The following NR2F1-AS1 variants were observed in gnomAD, a reference collection of about 807,000 sequenced individuals.
The protein encoded by NR2F1-AS1 is NR2F1 antisense RNA 1.
chr5:93,425,605 T>C (rs1749179599), intron 4 of NR2F1-AS1, among the ~76,000 whole-genome samples: 1 of 152,166 alleles, frequency 6.6e-6, no homozygotes, highest in Non-Finnish European at 1.5e-5. Context: ...TTCACACACA[T>C]GCTCATGCTG....
At chr5:93,443,287 G>A (rs539072838) in intron 4 of NR2F1-AS1, among the ~76,000 whole-genome samples, 1 of 152,228 alleles carries the variant, frequency 6.6e-6, no homozygotes, top group East Asian at 1.9e-4. Flanking sequence ...TCACAAAGAA[G>A]CTAAAAACCT....
At chr5:93,529,022 T>C (rs1561484997) in intron 4 of NR2F1-AS1, among the ~76,000 whole-genome samples, 1 of 152,112 alleles carries the variant, frequency 6.6e-6, no homozygotes, top group Non-Finnish European at 1.5e-5. Flanking sequence ...GTTCTGCACA[T>C]ATATCCCAGA....
intron 4 of NR2F1-AS1, among the ~76,000 whole-genome samples, chr5:93,536,169 A>G (rs1751835579): frequency 6.6e-6 from 1 of 152,320 alleles, no homozygotes; most frequent in Non-Finnish European, 1.5e-5. Context: ...TGAAAAAAAC[A>G]TAGAAAACAA....
intron 2 of NR2F1-AS1, among the ~76,000 whole-genome samples, chr5:93,555,871 G>GAGT (rs1409947232): frequency 6.6e-6 from 1 of 152,170 alleles, no homozygotes; most frequent in Non-Finnish European, 1.5e-5. Flanking sequence ...TATTAATAAT[G>GAGT]AGTAGTAGCA....
chr5:93,511,471 T>A (rs1004350623), intron 4 of NR2F1-AS1, among the ~76,000 whole-genome samples: 1 of 152,188 alleles, frequency 6.6e-6, no homozygotes, highest in Non-Finnish European at 1.5e-5. Flanking sequence ...TCAGAATAAA[T>A]GTTCCTTACA....
intron 4 of NR2F1-AS1, among the ~76,000 whole-genome samples, chr5:93,539,594 G>A (rs1017380809): frequency 2.6e-5 from 4 of 152,140 alleles, no homozygotes; most frequent in South Asian, 4.1e-4. Context: ...CCAGAGACTG[G>A]AGAGGGATCA....
intron 4 of NR2F1-AS1, among the ~76,000 whole-genome samples, chr5:93,535,900 G>C (rs1249238898): frequency 6.6e-6 from 1 of 152,076 alleles, no homozygotes; most frequent in East Asian, 1.9e-4. Flanking sequence ...AGAAGACAAG[G>C]ATGCCTACTT....
At chr5:93,470,380 T>C (rs999106576) in intron 4 of NR2F1-AS1, among the ~76,000 whole-genome samples, 1 of 151,882 alleles carries the variant, frequency 6.6e-6, no homozygotes, top group Admixed American at 6.6e-5. Flanking sequence ...TAAAAATAAC[T>C]AAACAAAATC....
At chr5:93,571,437 C>T (rs1485990649) in intron 1 of NR2F1-AS1, 1 of 148,442 alleles carries the variant, frequency 6.7e-6, no homozygotes, top group Non-Finnish European at 1.5e-5. Context: ...CTACAGAAAG[C>T]AGAAGAACGA....
At chr5:93,511,435 G>C (rs369321493) in intron 4 of NR2F1-AS1, among the ~76,000 whole-genome samples, 6 of 152,166 alleles carry the variant, frequency 3.9e-5, no homozygotes, top group African/African-American at 1.4e-4. Context: ...GCAAGGAGCA[G>C]ATCACAGGAC....
At chr5:93,475,011 C>A (rs1750450511) in intron 4 of NR2F1-AS1, among the ~76,000 whole-genome samples, 1 of 151,922 alleles carries the variant, frequency 6.6e-6, no homozygotes, top group South Asian at 2.1e-4. Context: ...GTAGTCCCAG[C>A]TGCTGGGGAG....
intron 4 of NR2F1-AS1, among the ~76,000 whole-genome samples, chr5:93,482,137 T>A (rs1440622700): frequency 6.6e-6 from 1 of 152,068 alleles, no homozygotes; most frequent in Non-Finnish European, 1.5e-5. Context: ...AAATCAACTG[T>A]AGAAATTATC....
At chr5:93,562,499 G>A (rs1752515894) in intron 2 of NR2F1-AS1, among the ~76,000 whole-genome samples, 1 of 152,010 alleles carries the variant, frequency 6.6e-6, no homozygotes, top group South Asian at 2.1e-4. Context: ...TCACCATGTT[G>A]CCCAGGCTAG....
At chr5:93,480,509 G>A (rs1750578363) in intron 4 of NR2F1-AS1, among the ~76,000 whole-genome samples, 1 of 152,070 alleles carries the variant, frequency 6.6e-6, no homozygotes, top group African/African-American at 2.4e-5. Flanking sequence ...GAATTCTTCA[G>A]GCTGAAATAA....
rs145345724 is a variant in NR2F1-AS1 at position 93,512,003 on chromosome 5, T to C, written n.638+41758A>G. On this transcript the variant is annotated intron_variant and non_coding_transcript_variant, in intron 4 of 5. Transcript: ENST00000660523. ...ACTTGATAATGATAATAAATGACTATGTTACTGGCTTATGTATCAACTAAT... is the reference window on the plus strand; with the variant it reads ...ACTTGATAATGATAATAAATGACTACGTTACTGGCTTATGTATCAACTAAT... Among the ~76,000 whole-genome samples the C allele has an allele frequency of 7.9e-4, 120 of 152,308 alleles. 1 individual carries two copies. Among genetic ancestry groups the C allele is most frequent in the Non-Finnish European group, 1.3e-3 (90 of 68,018 alleles).
At chr5:93,513,199 T>C (rs1434623718) in intron 4 of NR2F1-AS1, among the ~76,000 whole-genome samples, 1 of 152,212 alleles carries the variant, frequency 6.6e-6, no homozygotes, top group Non-Finnish European at 1.5e-5. Context: ...AAGGGAATTT[T>C]TATACACTGT....
At chr5:93,469,206 TACAC>T (rs1321628412) in intron 4 of NR2F1-AS1, among the ~76,000 whole-genome samples, 2 of 152,126 alleles carry the variant, frequency 1.3e-5, no homozygotes, top group Admixed American at 6.6e-5. Context: ...GGGGTGTACT[TACAC>T]AAACCTACAG....
At chr5:93,487,968 G>T (rs906721400) in intron 4 of NR2F1-AS1, among the ~76,000 whole-genome samples, 2 of 152,050 alleles carry the variant, frequency 1.3e-5, no homozygotes, top group African/African-American at 4.8e-5. Context: ...CTTTGACAAG[G>T]TTGACAAAAA....
chr5:93,488,468 A>G (rs1750772233), intron 4 of NR2F1-AS1, among the ~76,000 whole-genome samples: 2 of 152,264 alleles, frequency 1.3e-5, no homozygotes, highest in Non-Finnish European at 2.9e-5. Context: ...AGACATTTAT[A>G]TGCAGCCAAC....
Sources: gnomAD v4.1 joint callset for allele counts (sites outside exome capture counted in the v4.1 genomes callset) on GRCh38, gnomAD v4.1.1 for gene constraint, MANE v1.5 for transcripts, NCBI Gene and HGNC (gene_info 2026-07-23, HGNC 2026-07-21) for gene names.